The following PCDHGA2 variants were observed in gnomAD, a reference collection of about 807,000 sequenced individuals.
PCDHGA2 encodes the protein protocadherin gamma subfamily A, 2.
Under a neutral mutation model 59.2 loss-of-function variants are expected in PCDHGA2, and 40 were observed. That is an observed-to-expected ratio of 0.68 (90% CI 0.52 to 0.88). PCDHGA2 has a LOEUF of 0.88. Among genes scored for constraint, PCDHGA2 ranks in the 40% least tolerant of loss-of-function variants. The pLI, the probability that PCDHGA2 is intolerant of heterozygous loss-of-function variation, is 0.00. For synonymous variants in PCDHGA2, 560 were observed against 526.0 expected (o/e 1.06, Z -0.89); for missense variants, 1,226 against 1,204.0 (o/e 1.02, Z -0.27).
intron 1 of PCDHGA2, chr5:141,418,093 C>T: frequency 6.2e-7 from 1 of 1,614,032 alleles, no homozygotes; most frequent in East Asian, 2.2e-5. Flanking sequence ...TCAGCGTAGA[C>T]GCGCAGAGCG....
At chr5:141,441,638 G>A (rs1456506194) in intron 1 of PCDHGA2, 2 of 226,008 alleles carry the variant, frequency 8.8e-6, no homozygotes, top group Non-Finnish European at 1.8e-5. Flanking sequence ...AGCCACAGGC[G>A]CTGTGATTCT....
chr5:141,355,081 C>G, intron 1 of PCDHGA2: 1 of 1,417,630 alleles, frequency 7.1e-7, no homozygotes, highest in Non-Finnish European at 9.4e-7. Context: ...AAGCTTCAAG[C>G]GGAAGCCCTG....
At chr5:141,503,387 G>A (rs975079596) in intron 2 of PCDHGA2, among the ~76,000 whole-genome samples, 24 of 152,068 alleles carry the variant, frequency 1.6e-4, no homozygotes, top group Middle Eastern at 3.4e-3. Flanking sequence ...ATGAGGTCAG[G>A]AGTTCGAAAC....
intron 1 of PCDHGA2, chr5:141,399,213 T>G (rs2093770836): frequency 6.2e-7 from 1 of 1,613,970 alleles, no homozygotes; most frequent in East Asian, 2.2e-5. Context: ...GAACACTAAT[T>G]GCTTTGATCA....
At chr5:141,416,652 A>T (rs1028914487) in intron 1 of PCDHGA2, 1 of 152,240 alleles carries the variant, frequency 6.6e-6, no homozygotes, top group Non-Finnish European at 1.5e-5. Context: ...ACAGCTGTAA[A>T]AAAGAAAAGA....
intron 1 of PCDHGA2, among the ~76,000 whole-genome samples, chr5:141,451,644 G>A (rs1730833205): frequency 6.6e-6 from 1 of 152,178 alleles, no homozygotes; most frequent in Non-Finnish European, 1.5e-5. Context: ...CACTCTGAGA[G>A]GCCAAGGAGG....
chr5:141,364,313 T>C, intron 1 of PCDHGA2: 4 of 1,522,730 alleles, frequency 2.6e-6, no homozygotes, highest in Non-Finnish European at 2.6e-6. Flanking sequence ...TAAGAGAAAA[T>C]TGGGCAGAGA....
intron 1 of PCDHGA2, chr5:141,372,119 C>T (rs568477128): frequency 1.2e-6 from 2 of 1,613,802 alleles, no homozygotes; most frequent in East Asian, 2.2e-5. Context: ...CTGCGCTCTT[C>T]GATATGGTGC....
At chr5:141,419,723 C>G (rs373666366) in intron 1 of PCDHGA2, 1 of 1,613,174 alleles carries the variant, frequency 6.2e-7, no homozygotes, top group African/African-American at 1.3e-5. Context: ...CCTGGGGCTG[C>G]GAACAGGCGA....
At chr5:141,400,791 T>C in intron 1 of PCDHGA2, 1 of 562,286 alleles carries the variant, frequency 1.8e-6, no homozygotes, top group Non-Finnish European at 3.1e-6. Flanking sequence ...TTTGTCCTCT[T>C]TCTCAAAGCT....
At chr5:141,341,655 T>C in intron 1 of PCDHGA2, 1 of 668,116 alleles carries the variant, frequency 1.5e-6, no homozygotes, top group Non-Finnish European at 2.4e-6. Context: ...CATTAGGAAC[T>C]AGGGTGTCTG....
At chr5:141,488,157 C>T (rs565677003) in intron 1 of PCDHGA2, among the ~76,000 whole-genome samples, 2 of 152,216 alleles carry the variant, frequency 1.3e-5, no homozygotes, top group South Asian at 2.1e-4. Context: ...TAGAGAGGCA[C>T]GCATCAGAGT....
rs1224515106 is a variant in PCDHGA2 at position 141,491,453 on chromosome 5, C to T, written c.2425-3354C>T. On this transcript the variant is annotated intron_variant, in intron 1 of 3. Transcript: ENST00000394576. The surrounding 1 kb of genome is among the most constrained non-coding windows in gnomAD (Gnocchi z 6.9). ...TGCTGCAGGCGCCAGGACTCACCCT[C>T]CCCGGACTTCTATAAGCAGTCCAGC... The T allele has an allele frequency of 6.2e-6, 10 of 1,614,120 alleles. No homozygotes were observed. The highest frequency in any genetic ancestry group is 8.5e-6 in the Non-Finnish European group (10 of 1,180,028).
intron 1 of PCDHGA2, chr5:141,393,329 C>T: frequency 6.2e-7 from 1 of 1,611,240 alleles, no homozygotes; most frequent in South Asian, 1.1e-5. Flanking sequence ...GCTACCAGCT[C>T]AGCCCCAATC....
chr5:141,407,954 G>A, intron 1 of PCDHGA2: 1 of 640,866 alleles, frequency 1.6e-6, no homozygotes, highest in East Asian at 3.0e-5. Flanking sequence ...GTCGGCCAGT[G>A]CAGAGCAAGC....
At chr5:141,403,574 C>A (rs1441332710) in intron 1 of PCDHGA2, 1 of 1,613,960 alleles carries the variant, frequency 6.2e-7, no homozygotes, top group Admixed American at 1.7e-5. Flanking sequence ...GGCAACTGCC[C>A]ACCACCTGGT....
rs752171326 is a variant in PCDHGA2 at position 141,395,310 on chromosome 5, A to C, written c.2424+53915A>C. The stretch of plus-strand genomic sequence containing the variant: ...TGGCATAAATTATGTTTTGAAAAAC[A>C]TTGTGAAGATAGTTGAAAATAATTT... On this transcript the variant is annotated intron_variant, in intron 1 of 3. Transcript: ENST00000394576. The C allele has an allele frequency of 3.3e-6, 5 of 1,502,410 alleles. No homozygotes were observed. In the East Asian group the frequency reaches 1.1e-4, roughly 34 times the overall value. 93.1% of individuals were successfully genotyped at this position (1,502,410 alleles called of 1,614,324 possible).
intron 1 of PCDHGA2, chr5:141,422,532 A>G (rs752364905): frequency 6.2e-7 from 1 of 1,614,030 alleles, no homozygotes; most frequent in South Asian, 1.1e-5. Flanking sequence ...CTTTGTCTGC[A>G]GAAACTCATG....
rs750036800 is a variant in PCDHGA2, at chr5:141,419,495, G to A, written c.2425-75312G>A. On this transcript the variant is annotated intron_variant, in intron 1 of 3. Coordinates refer to ENST00000394576, the MANE Select transcript of PCDHGA2 (RefSeq NM_018915.4). ...GGGCTCGCCCGCGCTCAGCGCCAAT[G>A]TGAGCCTGCGCGTGTTGGTGGGCGA... The A allele has an allele frequency of 5.0e-6, 8 of 1,612,432 alleles. No individual in the cohort carries two copies. The Admixed American group carries it at 1.3e-4, about 27-fold the overall frequency.
Sources: allele counts gnomAD v4.1 joint callset (sites outside exome capture counted in the v4.1 genomes callset), GRCh38; gene constraint gnomAD v4.1.1; non-coding constraint Gnocchi (gnomAD v3.1); transcripts MANE v1.5; gene names NCBI Gene and HGNC (gene_info 2026-07-23, HGNC 2026-07-21).